Variants in OPCML observed in about 807,000 individuals in gnomAD.
The protein encoded by OPCML is opioid binding protein/cell adhesion molecule like.
OPCML carries 13 observed loss-of-function variants against 37.8 expected under a neutral mutation model. The ratio of observed to expected loss-of-function variants is 0.34; its 90% CI spans 0.22 to 0.55. The LOEUF (loss-of-function observed/expected upper bound fraction) is 0.55. Ranked by LOEUF, OPCML falls within the 20% of genes least tolerant of loss-of-function variation. OPCML has a pLI of 0.91. For missense variants in OPCML, 341 were observed against 435.6 expected (o/e 0.78, Z 1.93); for synonymous variants, 176 against 168.8 (o/e 1.04, Z -0.33).
At chr11:133,164,310 T>C (rs548486310) in intron 1 of OPCML, among the ~76,000 whole-genome samples, 19 of 152,332 alleles carry the variant, frequency 1.2e-4, no homozygotes, top group African/African-American at 4.6e-4. Flanking sequence ...GAATGGAAAC[T>C]ATGATGCCTC....
At chr11:132,974,839 T>C (rs2136766585) in intron 1 of OPCML, among the ~76,000 whole-genome samples, 1 of 151,916 alleles carries the variant, frequency 6.6e-6, no homozygotes, top group East Asian at 2.0e-4. Flanking sequence ...TGTTTTCTCT[T>C]TGTTTTCATT....
At chr11:132,929,012 A>G (rs1945095234) in intron 2 of OPCML, among the ~76,000 whole-genome samples, 1 of 151,890 alleles carries the variant, frequency 6.6e-6, no homozygotes, top group Non-Finnish European at 1.5e-5. Flanking sequence ...AGAAAAAAAA[A>G]CACTCAACAA....
intron 1 of OPCML, among the ~76,000 whole-genome samples, chr11:133,000,733 A>G (rs915630855): frequency 2.0e-5 from 3 of 152,220 alleles, no homozygotes; most frequent in Admixed American, 6.5e-5. Context: ...TGGGAAAAAA[A>G]TAATGCTAGA....
chr11:133,140,528 TAATAAG>T (rs1266298905), intron 1 of OPCML, among the ~76,000 whole-genome samples: 121 of 61,268 alleles, frequency 2.0e-3, no homozygotes, highest in Non-Finnish European at 3.2e-3. Flanking sequence ...ATAATAATAA[TAATAAG>T]AAGAAGAAGA....
intron 1 of OPCML, among the ~76,000 whole-genome samples, chr11:133,123,494 G>C (rs1949451762): frequency 6.6e-6 from 1 of 152,108 alleles, no homozygotes; most frequent in South Asian, 2.1e-4. Flanking sequence ...TTTAAACAAG[G>C]GATGTGCCTG....
chr11:132,497,312 G>A (rs1345865543), intron 4 of OPCML, among the ~76,000 whole-genome samples: 2 of 151,180 alleles, frequency 1.3e-5, no homozygotes, highest in Non-Finnish European at 2.9e-5. Flanking sequence ...TAATACTGAG[G>A]TGATGGGATG....
intron 1 of OPCML, among the ~76,000 whole-genome samples, chr11:133,443,836 C>A (rs1591506863): frequency 6.6e-6 from 1 of 152,008 alleles, no homozygotes; most frequent in South Asian, 2.1e-4. Context: ...GGACTGGATA[C>A]CTTGGCTGAC....
intron 1 of OPCML, among the ~76,000 whole-genome samples, chr11:133,477,390 C>CCAGTTAGCA (rs771031339): frequency 2.0e-5 from 3 of 152,132 alleles, no homozygotes; most frequent in Non-Finnish European, 2.9e-5. Flanking sequence ...GCTTCTAATC[C>CCAGTTAGCA]CAGTTAGCAC....
At chr11:132,820,508 A>T (rs781130625) in intron 2 of OPCML, among the ~76,000 whole-genome samples, 1 of 150,696 alleles carries the variant, frequency 6.6e-6, no homozygotes, top group African/African-American at 2.4e-5. Flanking sequence ...GTGTGTGTGT[A>T]TGTGTGTGTG....
At chr11:132,721,997 C>T (rs1944689835) in intron 2 of OPCML, among the ~76,000 whole-genome samples, 1 of 136,554 alleles carries the variant, frequency 7.3e-6, no homozygotes, top group African/African-American at 2.8e-5. Flanking sequence ...GCTCTGTTGC[C>T]CAGGCTGGAG....
intron 4 of OPCML, among the ~76,000 whole-genome samples, chr11:132,467,436 T>TA (rs1354474120): frequency 1.3e-5 from 2 of 152,236 alleles, no homozygotes; most frequent in Admixed American, 6.5e-5. Flanking sequence ...TTAGTCAACT[T>TA]AAAAAGACTG....
At chr11:132,442,652 G>C (rs1385427511) in intron 4 of OPCML, among the ~76,000 whole-genome samples, 1 of 152,192 alleles carries the variant, frequency 6.6e-6, no homozygotes, top group Non-Finnish European at 1.5e-5. Context: ...CACGTGTCAA[G>C]GGCAGGGCCA....
At chr11:132,940,195 C>A (rs1272565969) in intron 2 of OPCML, among the ~76,000 whole-genome samples, 2 of 152,188 alleles carry the variant, frequency 1.3e-5, no homozygotes, top group African/African-American at 4.8e-5. Context: ...AATCACTCTT[C>A]TCTGAGCTGT....
chr11:133,312,172 T>C (rs571351828), intron 1 of OPCML, among the ~76,000 whole-genome samples: 9 of 152,354 alleles, frequency 5.9e-5, no homozygotes, highest in African/African-American at 2.2e-4. Context: ...TGAGAATTCA[T>C]TTATATCCGA....
chr11:132,447,762 G>T (rs1190956000), intron 4 of OPCML, among the ~76,000 whole-genome samples: 1 of 152,236 alleles, frequency 6.6e-6, no homozygotes, highest in African/African-American at 2.4e-5. Flanking sequence ...TGTGCCTGGG[G>T]CAGGCCCAAC....
At chr11:133,397,008 C>T (rs566184948) in intron 1 of OPCML, among the ~76,000 whole-genome samples, 1 of 152,320 alleles carries the variant, frequency 6.6e-6, no homozygotes, top group Admixed American at 6.5e-5. Flanking sequence ...CCATGTTCAT[C>T]ACTCCTCAAC....
intron 1 of OPCML, among the ~76,000 whole-genome samples, chr11:132,960,373 G>A (rs1304911824): frequency 6.6e-6 from 1 of 152,172 alleles, no homozygotes; most frequent in African/African-American, 2.4e-5. Flanking sequence ...GAACAAACTG[G>A]GAATCCCACG....
At chr11:133,085,478 C>A (rs960740421) in intron 1 of OPCML, among the ~76,000 whole-genome samples, 1 of 152,150 alleles carries the variant, frequency 6.6e-6, no homozygotes, top group Non-Finnish European at 1.5e-5. Context: ...CCTTTGGTAC[C>A]CAGCACATAG....
intron 1 of OPCML, among the ~76,000 whole-genome samples, chr11:133,287,114 A>G (rs1223965576): frequency 6.6e-6 from 1 of 152,106 alleles, no homozygotes. Context: ...CAGAAATGTA[A>G]TATCAACCAT....
Sources: gnomAD v4.1 joint callset for allele counts (sites outside exome capture counted in the v4.1 genomes callset) on GRCh38, gnomAD v4.1.1 for gene constraint, MANE v1.5 for transcripts, NCBI Gene and HGNC (gene_info 2026-07-23, HGNC 2026-07-21) for gene names.